EPB41L4B: variants seen among roughly 807,000 people sequenced by gnomAD.
EPB41L4B encodes erythrocyte membrane protein band 4.1 like 4B, also known as band 4.1-like protein 4B.
EPB41L4B carries 30 observed loss-of-function variants against 112.5 expected under a neutral mutation model. The observed-to-expected ratio is 0.27, with a 90% CI of 0.20 to 0.36. EPB41L4B has a LOEUF of 0.36. EPB41L4B is among the 10% of genes least tolerant of loss of function. The pLI is 1.00. For missense variants in EPB41L4B, 1,024 were observed against 1,133.3 expected (o/e 0.90, Z 1.38); for synonymous variants, 408 against 439.7 (o/e 0.93, Z 0.90).
At chr9:109,230,499 G>C (rs1833916914) in intron 15 of EPB41L4B, among the ~76,000 whole-genome samples, 1 of 152,168 alleles carries the variant, frequency 6.6e-6, no homozygotes, top group African/African-American at 2.4e-5. Flanking sequence ...GATATAATTT[G>C]ATCTGTGCCA....
chr9:109,198,919 C>A, intron 20 of EPB41L4B, among the ~76,000 whole-genome samples: 1 of 120,482 alleles, frequency 8.3e-6, no homozygotes, highest in South Asian at 2.6e-4. Context: ...GAGCAAGGCT[C>A]TGTCTCAAAA....
intron 1 of EPB41L4B, among the ~76,000 whole-genome samples, chr9:109,285,102 G>C (rs982999258): frequency 5.3e-5 from 8 of 152,326 alleles, no homozygotes; most frequent in African/African-American, 1.9e-4. Context: ...ATGGTGCCCT[G>C]AATACACAGG....
chr9:109,242,866 A>C (rs955359031), intron 15 of EPB41L4B, among the ~76,000 whole-genome samples: 2 of 130,470 alleles, frequency 1.5e-5, no homozygotes, highest in Admixed American at 7.5e-5. Flanking sequence ...AAAAAAAAAA[A>C]CAAAAAACCT....
chr9:109,284,473 C>A (rs2119153233), intron 1 of EPB41L4B, among the ~76,000 whole-genome samples: 1 of 152,286 alleles, frequency 6.6e-6, no homozygotes, highest in East Asian at 1.9e-4. Flanking sequence ...AGTGCAGTGG[C>A]AGCATCATAG....
rs931855876 is a variant in EPB41L4B at position 109,320,616 on chromosome 9, G to A, written c.-170C>T. 3 of 165,760 alleles carry A rather than the reference G, an allele frequency of 1.8e-5. No homozygotes were observed. The highest frequency in any genetic ancestry group is 5.2e-5 in the African/African-American group (2 of 38,734). The allele number at this position is 165,760 out of a possible 1,614,324, so 10.3% of individuals were successfully genotyped here. Reference sequence around the variant, plus strand: ...AAGCCCGCGCCGAGGCCGAGGCCGCGCTCTAGCCGCCTGCGGGGCGCGCCG... The same window carrying A: ...AAGCCCGCGCCGAGGCCGAGGCCGCACTCTAGCCGCCTGCGGGGCGCGCCG... On this transcript the variant is annotated 5_prime_UTR_variant, in exon 1 of 26. Coordinates refer to ENST00000374566, the MANE Select transcript of EPB41L4B (RefSeq NM_019114.5).
intron 1 of EPB41L4B, among the ~76,000 whole-genome samples, chr9:109,299,971 C>T (rs1836896618): frequency 6.6e-6 from 1 of 152,202 alleles, no homozygotes; most frequent in Admixed American, 6.5e-5. Context: ...CTACGGTGAA[C>T]AGAAATAACA....
At position 109,320,147 on chromosome 9, in the gene EPB41L4B, G is replaced by A. The variant is rs937911579; in HGVS notation, c.300C>T (p.Asp100=). Residue 100 remains aspartate, a synonymous_variant, in exon 1 of 26, where the codon GAC becomes GAT. Coordinates refer to ENST00000374566, the MANE Select transcript of EPB41L4B (RefSeq NM_019114.5). ...GACTGGCCCCGTCACTCACCGGCAG[G>A]TCCACGCTCACTTCGGTCCCGTCGA... is the stretch of plus-strand genomic sequence containing the variant. ...FLLDGTEVSV[D]LPKHAKGQDL... The A allele has an allele frequency of 6.8e-7, 1 of 1,468,816 alleles. No individual in the cohort carries two copies. Among genetic ancestry groups the A allele is most frequent in the Non-Finnish European group, 9.0e-7 (1 of 1,107,756 alleles). 91.0% of individuals were successfully genotyped at this position (1,468,816 alleles called of 1,614,324 possible).
intron 1 of EPB41L4B, among the ~76,000 whole-genome samples, chr9:109,304,347 T>C (rs941540679): frequency 6.6e-6 from 1 of 152,120 alleles, no homozygotes; most frequent in African/African-American, 2.4e-5. Context: ...ACCCCTAACA[T>C]TTGAGGGAAA....
intron 1 of EPB41L4B, among the ~76,000 whole-genome samples, chr9:109,306,929 A>C (rs570224604): frequency 6.6e-6 from 1 of 152,032 alleles, no homozygotes; most frequent in African/African-American, 2.4e-5. Context: ...CCCACCCTAA[A>C]TGAGCTCCTT....
rs767821816 is a variant in EPB41L4B at position 109,262,117 on chromosome 9, A to G, written c.631+933T>C. ...AGGGCATCACACAGATAAACGGCCA[A>G]TGCTGACAATCATGCAGGCAGACCT... On this transcript the variant is annotated intron_variant, in intron 6 of 25. Coordinates refer to ENST00000374566, the MANE Select transcript of EPB41L4B (RefSeq NM_019114.5). 4.5e-4 allele frequency among the ~76,000 whole-genome samples: 68 copies of G among 152,186 alleles called. 2 individuals are homozygous for G. The highest frequency in any genetic ancestry group is 2.4e-4 in the African/African-American group (10 of 41,446).
chr9:109,241,639 T>C, intron 15 of EPB41L4B: 3 of 1,613,504 alleles, frequency 1.9e-6, no homozygotes, highest in South Asian at 1.1e-5. Flanking sequence ...TGAAGGTGAA[T>C]GGAAGAGAGA....
chr9:109,281,117 A>T (rs888564796), intron 1 of EPB41L4B, among the ~76,000 whole-genome samples: 4 of 152,028 alleles, frequency 2.6e-5, no homozygotes, highest in African/African-American at 9.7e-5. Flanking sequence ...ACGTCATCAA[A>T]ATGTGAGACT....
intron 1 of EPB41L4B, among the ~76,000 whole-genome samples, chr9:109,297,484 T>G (rs1247799720): frequency 6.6e-5 from 10 of 152,182 alleles, no homozygotes; most frequent in Admixed American, 6.5e-4. Flanking sequence ...TTTCTGTCTG[T>G]GAACGGAGGT....
At chr9:109,268,281 T>C (rs981202969) in intron 3 of EPB41L4B, 110 bp downstream of exon 3, 7 of 1,024,246 alleles carry the variant, frequency 6.8e-6, no homozygotes, top group African/African-American at 5.0e-5. Context: ...ACCGAATTGA[T>C]TTTTAAAATG....
chr9:109,254,899 C>T (rs1834922592), intron 11 of EPB41L4B, among the ~76,000 whole-genome samples: 1 of 152,224 alleles, frequency 6.6e-6, no homozygotes, highest in Admixed American at 6.5e-5. Flanking sequence ...TGGACATTGG[C>T]ATGCAAAAGG....
chr9:109,242,698 A>G (rs1834394773), intron 15 of EPB41L4B, among the ~76,000 whole-genome samples: 1 of 152,072 alleles, frequency 6.6e-6, no homozygotes, highest in South Asian at 2.1e-4. Context: ...TATTCTCCAT[A>G]CTTTCTCAGA....
intron 4 of EPB41L4B, 91 bp from the exon 5 acceptor site, chr9:109,265,115 C>G (rs1359389983): frequency 1.6e-5 from 16 of 998,154 alleles, no homozygotes; most frequent in Non-Finnish European, 2.4e-5. Context: ...ACCCCACACA[C>G]AGCATGGAGT....
In EPB41L4B at chr9:109,315,186, T is replaced by C. The variant is rs151123281; in HGVS notation, c.306+4955A>G. On this transcript the variant is annotated intron_variant, in intron 1 of 25. Coordinates refer to ENST00000374566, the MANE Select transcript of EPB41L4B (RefSeq NM_019114.5). ...CCCTACCATTGCTACAGCAATGGTA[T>C]TGCTCGCCCCATTGCTACAGCAGTT... 4.7e-3 allele frequency among the ~76,000 whole-genome samples: 714 copies of C among 152,252 alleles called. 7 individuals are homozygous for C. The highest frequency in any genetic ancestry group is 0.016 in the African/African-American group (654 of 41,554).
At chr9:109,176,132 AT>A (rs60823915) in intron 25 of EPB41L4B, among the ~76,000 whole-genome samples, 3,932 of 140,014 alleles carry the variant, frequency 0.028, 148 homozygotes, top group African/African-American at 0.091. Context: ...CCTTGTAAAC[AT>A]TTTTTTTTTT....
Sources: allele counts gnomAD v4.1 joint callset (sites outside exome capture counted in the v4.1 genomes callset), GRCh38; gene constraint gnomAD v4.1.1; transcripts MANE v1.5; gene names NCBI Gene and HGNC (gene_info 2026-07-23, HGNC 2026-07-21).